The following PCDH7 variants were observed in gnomAD, a reference collection of about 807,000 sequenced individuals.
PCDH7 encodes protocadherin 7.
Under a neutral mutation model 58.9 loss-of-function variants are expected in PCDH7, and 17 were observed. The ratio of observed to expected loss-of-function variants is 0.29; its 90% CI spans 0.20 to 0.43. PCDH7 has a LOEUF of 0.43. Ranked by LOEUF, PCDH7 falls within the 20% of genes least tolerant of loss-of-function variation. PCDH7 has a pLI of 1.00. For missense variants in PCDH7, 1,274 were observed against 1,441.0 expected, an observed-to-expected ratio of 0.88 and a Z score of 1.88; for synonymous variants, 664 against 616.4, an observed-to-expected ratio of 1.08 and a Z score of -1.14.
At chr4:31,045,481 G>A (rs1328963169) in intron 3 of PCDH7, among the ~76,000 whole-genome samples, 1 of 151,918 alleles carries the variant, frequency 6.6e-6, no homozygotes, top group Non-Finnish European at 1.5e-5. Context: ...CACTTACACT[G>A]GGCATTCCGT....
intron 1 of PCDH7, among the ~76,000 whole-genome samples, chr4:30,728,483 G>A (rs567053616): frequency 7.9e-5 from 12 of 151,578 alleles, no homozygotes; most frequent in African/African-American, 2.4e-4. Flanking sequence ...TGTAATTTCC[G>A]TTACATTTGG....
chr4:30,922,175 T>C (rs1743264480), intron 2 of PCDH7, among the ~76,000 whole-genome samples: 1 of 151,552 alleles, frequency 6.6e-6, no homozygotes, highest in South Asian at 2.1e-4. Flanking sequence ...TATAATTACT[T>C]ATATGTACAT....
At chr4:31,079,946 A>G (rs565650480) in intron 3 of PCDH7, among the ~76,000 whole-genome samples, 4 of 152,148 alleles carry the variant, frequency 2.6e-5, no homozygotes, top group Non-Finnish European at 4.4e-5. Flanking sequence ...AATATAATAC[A>G]AATAAAATAG....
intron 1 of PCDH7, among the ~76,000 whole-genome samples, chr4:30,900,853 C>A (rs1278659845): frequency 6.6e-6 from 1 of 151,944 alleles, no homozygotes; most frequent in East Asian, 1.9e-4. Context: ...TCTATATTTG[C>A]AATATGATGA....
At chr4:31,012,717 A>G (rs1038202107) in intron 3 of PCDH7, among the ~76,000 whole-genome samples, 2 of 150,686 alleles carry the variant, frequency 1.3e-5, no homozygotes, top group Non-Finnish European at 3.0e-5. Flanking sequence ...TTTTTATTCA[A>G]TTGAAAGCAG....
At chr4:31,079,831 G>T (rs1459716413) in intron 3 of PCDH7, among the ~76,000 whole-genome samples, 1 of 151,982 alleles carries the variant, frequency 6.6e-6, no homozygotes, top group Admixed American at 6.6e-5. Context: ...ATACAATGTA[G>T]AATTCTGCAG....
intron 3 of PCDH7, among the ~76,000 whole-genome samples, chr4:31,124,430 C>T (rs143814176): frequency 2.1e-4 from 32 of 152,060 alleles, no homozygotes; most frequent in African/African-American, 6.3e-4. Flanking sequence ...TTAACCACCC[C>T]GATTCATTGA....
chr4:31,050,859 G>C (rs2109220141), intron 3 of PCDH7, among the ~76,000 whole-genome samples: 3 of 152,188 alleles, frequency 2.0e-5, no homozygotes, highest in Middle Eastern at 3.4e-3. Context: ...CTGTATTTTA[G>C]AGATTGATAA....
At chr4:31,032,656 G>GAGGAAGGA (rs200871221) in intron 3 of PCDH7, among the ~76,000 whole-genome samples, 17,509 of 91,770 alleles carry the variant, frequency 0.19, 2,273 homozygotes, top group African/African-American at 0.27. Flanking sequence ...GAGAGAGAGA[G>GAGGAAGGA]AGGAAGGAAG....
chr4:31,098,597 AC>A (rs1714483026), intron 3 of PCDH7, among the ~76,000 whole-genome samples: 4 of 152,194 alleles, frequency 2.6e-5, no homozygotes, highest in African/African-American at 9.7e-5. Flanking sequence ...GGTCACTACA[AC>A]TTTATGATTA....
intron 3 of PCDH7, among the ~76,000 whole-genome samples, chr4:31,000,148 C>T (rs1442485149): frequency 6.6e-6 from 1 of 151,922 alleles, no homozygotes; most frequent in Non-Finnish European, 1.5e-5. Flanking sequence ...ATTTCATGGT[C>T]CCATCTGGAA....
chr4:31,042,128 C>T (rs1166022902), intron 3 of PCDH7, among the ~76,000 whole-genome samples: 4 of 152,086 alleles, frequency 2.6e-5, no homozygotes, highest in Admixed American at 2.6e-4. Flanking sequence ...TGTAGAAATG[C>T]AGAGCACTCA....
chr4:30,752,338 T>G (rs1009494058), intron 1 of PCDH7, among the ~76,000 whole-genome samples: 1 of 152,102 alleles, frequency 6.6e-6, no homozygotes, highest in African/African-American at 2.4e-5. Flanking sequence ...TTCACCATGT[T>G]GGTCAGGCTG....
At chr4:30,784,876 A>T in intron 1 of PCDH7, among the ~76,000 whole-genome samples, 1 of 152,064 alleles carries the variant, frequency 6.6e-6, no homozygotes. Flanking sequence ...CTAAAATATG[A>T]TAAACAATAG....
intron 2 of PCDH7, among the ~76,000 whole-genome samples, chr4:30,925,549 A>C (rs1014777824): frequency 6.6e-6 from 1 of 152,196 alleles, no homozygotes; most frequent in Non-Finnish European, 1.5e-5. Flanking sequence ...GAAAGAGACT[A>C]ACATGACTTG....
intron 1 of PCDH7, among the ~76,000 whole-genome samples, chr4:30,915,994 C>G (rs935452961): frequency 6.6e-6 from 1 of 152,158 alleles, no homozygotes; most frequent in East Asian, 1.9e-4. Flanking sequence ...TTGTTTATGC[C>G]TCCATTTTGC....
chr4:30,985,926 A>C (rs1750926193), intron 3 of PCDH7, among the ~76,000 whole-genome samples: 1 of 152,154 alleles, frequency 6.6e-6, no homozygotes. Context: ...AATAACAACA[A>C]TAACAACAAC....
chr4:30,757,338 G>C (rs1719437827), intron 1 of PCDH7, among the ~76,000 whole-genome samples: 2 of 152,166 alleles, frequency 1.3e-5, no homozygotes, highest in South Asian at 4.1e-4. Flanking sequence ...AGTTGCTCCT[G>C]TGTGTAAAAG....
In PCDH7 at chr4:30,723,879, G is replaced by A; in HGVS notation, c.2457G>A (p.Val819=). ...ATTATGGCTTGCACAGGTTGGTGGT[G>A]CAAGTGAATGACAGTGGGCAGCCTT... is the stretch of plus-strand genomic sequence containing the variant. Residue 819 remains valine (V), a synonymous_variant, in exon 1 of 2, where the codon GTG becomes GTA. Transcript: ENST00000361762. This position sits in a 1 kb window ranked among gnomAD's most constrained non-coding sequence, Gnocchi z 4.6. The A allele has an allele frequency of 6.2e-7, 1 of 1,613,874 alleles. No individual in the cohort carries two copies.
Sources: allele counts gnomAD v4.1 joint callset (sites outside exome capture counted in the v4.1 genomes callset), GRCh38; gene constraint gnomAD v4.1.1; non-coding constraint Gnocchi (gnomAD v3.1); transcripts MANE v1.5; gene names NCBI Gene and HGNC (gene_info 2026-07-23, HGNC 2026-07-21).